RTF1: variants seen among roughly 807,000 people sequenced by gnomAD.
The protein encoded by RTF1 is RTF1 homolog, Paf1/RNA polymerase II complex component.
In RTF1, 10 loss-of-function variants were observed where a neutral mutation model predicts 95.7. That is an observed-to-expected ratio of 0.10 (90% CI 0.06 to 0.18). The LOEUF is 0.18. RTF1 is among the 10% of genes least tolerant of loss of function. The pLI, the probability that RTF1 is intolerant of heterozygous loss-of-function variation, is 1.00. For missense variants in RTF1, 458 were observed against 875.6 expected (o/e 0.52, Z 6.02); for synonymous variants, 305 against 311.8 (o/e 0.98, Z 0.23).
At chr15:41,457,966 T>C in intron 4 of RTF1, 90 bp downstream of exon 4, 2 of 964,422 alleles carry the variant, frequency 2.1e-6, no homozygotes, top group Non-Finnish European at 3.1e-6. Flanking sequence ...ACACCTGACC[T>C]ACACATGGAG....
intron 6 of RTF1, among the ~76,000 whole-genome samples, chr15:41,468,186 T>TCCAGGTTGG (rs1566847278): frequency 6.6e-6 from 1 of 151,684 alleles, no homozygotes; most frequent in African/African-American, 2.4e-5. Context: ...GAAAAAGAAA[T>TCCAGGTTGG]AATAACGTGT....
At chr15:41,473,870 T>C (rs1392309196) in intron 8 of RTF1, among the ~76,000 whole-genome samples, 1 of 151,918 alleles carries the variant, frequency 6.6e-6, no homozygotes, top group East Asian at 1.9e-4. Flanking sequence ...AACCCCTCTC[T>C]ACTAAAAATA....
chr15:41,458,592 C>T (rs2050830641), intron 4 of RTF1, among the ~76,000 whole-genome samples: 1 of 150,162 alleles, frequency 6.7e-6, no homozygotes, highest in South Asian at 2.1e-4. Context: ...ACTAAAAATA[C>T]AAAAAAATTA....
At chr15:41,466,882 G>T (rs1305924478) in intron 6 of RTF1, among the ~76,000 whole-genome samples, 3 of 152,214 alleles carry the variant, frequency 2.0e-5, no homozygotes, top group Non-Finnish European at 4.4e-5. Context: ...GTTGTTGAAT[G>T]TGTTTCTGGT....
chr15:41,456,388 C>G (rs1269589209), intron 3 of RTF1, among the ~76,000 whole-genome samples: 1 of 151,424 alleles, frequency 6.6e-6, no homozygotes, highest in East Asian at 1.9e-4. Flanking sequence ...ACTCAGGAGG[C>G]TGAGGCAGGA....
At chr15:41,454,868 C>T (rs577261881) in intron 3 of RTF1, among the ~76,000 whole-genome samples, 1 of 152,166 alleles carries the variant, frequency 6.6e-6, no homozygotes. Flanking sequence ...TTCAGTTGCA[C>T]TAGCCACATT....
intron 11 of RTF1, among the ~76,000 whole-genome samples, chr15:41,476,144 C>G (rs2050940984): frequency 6.6e-6 from 1 of 152,144 alleles, no homozygotes; most frequent in Non-Finnish European, 1.5e-5. Context: ...TCTAAAACAT[C>G]TTGGTAAAAT....
Position 41,478,596 on chromosome 15 carries a change from C to A in RTF1, c.1789C>A (p.Arg597=), listed in dbSNP as rs751682126. 5.5e-5 allele frequency: 89 copies of A among 1,613,650 alleles called. No individual in the cohort carries two copies. Among genetic ancestry groups the A allele is most frequent in the Non-Finnish European group, 6.9e-5 (82 of 1,179,938 alleles). The change falls in exon 15 of 18, where the codon CGG becomes AGG. Residue 597 remains arginine, a synonymous_variant. Coordinates refer to ENST00000389629, the MANE Select transcript of RTF1 (RefSeq NM_015138.5). ...CCAACAGATGGATCCCTTTACTCGG[C>A]GGCAGTGCAAGCCTACCATCGTTTC... is the stretch of plus-strand genomic sequence containing the variant. The part of the protein sequence containing the change: ...KNQQMDPFTR[R]QCKPTIVSNS...
At chr15:41,452,784 G>T in intron 2 of RTF1, 117 bp from the exon 3 acceptor site, 1 of 765,950 alleles carries the variant, frequency 1.3e-6, no homozygotes, top group South Asian at 2.9e-5. Flanking sequence ...CATATGAAGT[G>T]TATTTGTTTT....
At chr15:41,452,715 T>A (rs371688870) in intron 2 of RTF1, among the ~76,000 whole-genome samples, 186 bp from the exon 3 acceptor site, 78 of 151,970 alleles carry the variant, frequency 5.1e-4, no homozygotes, top group Non-Finnish European at 9.6e-4. Flanking sequence ...GCCTGGACAA[T>A]AGAATGAGAC....
intron 2 of RTF1, among the ~76,000 whole-genome samples, chr15:41,450,442 G>A (rs1335717930): frequency 2.0e-5 from 3 of 151,786 alleles, no homozygotes; most frequent in Non-Finnish European, 4.4e-5. Context: ...AAAATTAGCC[G>A]GGCGTGGTGG....
chr15:41,431,908 C>G (rs2050676915), intron 1 of RTF1, among the ~76,000 whole-genome samples: 1 of 151,668 alleles, frequency 6.6e-6, no homozygotes, highest in Non-Finnish European at 1.5e-5. Flanking sequence ...TGAAGTGATT[C>G]TCCTGCCTCA....
At chr15:41,475,874 G>A (rs193038348) in intron 11 of RTF1, 55 bp downstream of exon 11, 6 of 862,628 alleles carry the variant, frequency 7.0e-6, no homozygotes, top group Non-Finnish European at 1.8e-6. Context: ...AGTGTTGAGA[G>A]AACATGATTC....
At chr15:41,431,380 A>C (rs1012717772) in intron 1 of RTF1, among the ~76,000 whole-genome samples, 1 of 150,552 alleles carries the variant, frequency 6.6e-6, no homozygotes, top group Non-Finnish European at 1.5e-5. Context: ...ACGCCCAGCT[A>C]CTTTTTTTGT....
At chr15:41,443,602 TAA>T (rs35422486) in intron 2 of RTF1, among the ~76,000 whole-genome samples, 2 of 146,208 alleles carry the variant, frequency 1.4e-5, no homozygotes. Flanking sequence ...GAGTTGGGGT[TAA>T]AAAAAAAAAC....
intron 1 of RTF1, among the ~76,000 whole-genome samples, chr15:41,434,917 G>A (rs537582354): frequency 2.4e-4 from 36 of 151,236 alleles, no homozygotes; most frequent in African/African-American, 7.8e-4. Context: ...GTGAGCCACC[G>A]CGCCTGGCCA....
chr15:41,436,491 G>T (rs900716203), intron 1 of RTF1, among the ~76,000 whole-genome samples: 1 of 151,132 alleles, frequency 6.6e-6, no homozygotes, highest in Admixed American at 6.6e-5. Context: ...AGGCGTGGTG[G>T]TGGGTGCCTG....
intron 2 of RTF1, among the ~76,000 whole-genome samples, chr15:41,444,644 C>T (rs533714658): frequency 5.4e-4 from 82 of 152,188 alleles, no homozygotes; most frequent in Non-Finnish European, 9.9e-4. Flanking sequence ...GCCATGATTA[C>T]GAATAACAGT....
intron 1 of RTF1, among the ~76,000 whole-genome samples, chr15:41,426,987 G>A (rs1595423706): frequency 7.0e-6 from 1 of 143,254 alleles, no homozygotes; most frequent in African/African-American, 2.6e-5. Context: ...GATTACAGGG[G>A]CCCACCACCA....
Sources: gnomAD v4.1 joint callset for allele counts (sites outside exome capture counted in the v4.1 genomes callset) on GRCh38, gnomAD v4.1.1 for gene constraint, MANE v1.5 for transcripts, NCBI Gene and HGNC (gene_info 2026-07-23, HGNC 2026-07-21) for gene names.